PLCH1: variants seen among roughly 807,000 people sequenced by gnomAD.
PLCH1 encodes 1-phosphatidylinositol 4,5-bisphosphate phosphodiesterase eta-1.
In PLCH1, 60 loss-of-function variants were observed where a neutral mutation model predicts 126.7. The observed-to-expected ratio is 0.47, with a 90% CI of 0.38 to 0.59. The LOEUF (loss-of-function observed/expected upper bound fraction) is 0.59. Ranked by LOEUF, PLCH1 falls within the 20% of genes least tolerant of loss-of-function variation. The pLI is 0.00. For synonymous variants in PLCH1, 719 were observed against 734.9 expected (o/e 0.98, Z 0.35); for missense variants, 1,723 against 2,040.0 (o/e 0.84, Z 2.99).
chr3:155,604,660 A>G (rs1204151780), intron 2 of PLCH1, among the ~76,000 whole-genome samples: 1 of 152,136 alleles, frequency 6.6e-6, no homozygotes, highest in Non-Finnish European at 1.5e-5. Context: ...ATGTGTAACA[A>G]TTGTGTCTGT....
At chr3:155,681,277 T>TG (rs751703529) in intron 2 of PLCH1, among the ~76,000 whole-genome samples, 12 of 152,208 alleles carry the variant, frequency 7.9e-5, no homozygotes, top group Non-Finnish European at 8.8e-5. Context: ...ATGGAAAACT[T>TG]GCTTTGAGGC....
chr3:155,491,429 A>T (rs534008620), intron 18 of PLCH1, among the ~76,000 whole-genome samples: 34 of 151,976 alleles, frequency 2.2e-4, no homozygotes, highest in African/African-American at 8.0e-4. Flanking sequence ...CACCTGGCTA[A>T]TTTTGGTAAT....
chr3:155,667,536 T>C (rs998378357), intron 2 of PLCH1, among the ~76,000 whole-genome samples: 16 of 151,990 alleles, frequency 1.1e-4, no homozygotes, highest in Non-Finnish European at 1.9e-4. Context: ...AATAATGGCA[T>C]GAAAAAACAC....
chr3:155,634,432 T>C (rs1738475307), intron 2 of PLCH1, among the ~76,000 whole-genome samples: 1 of 152,176 alleles, frequency 6.6e-6, no homozygotes. Flanking sequence ...CTTCCCATTT[T>C]CCCAGAGGCC....
intron 2 of PLCH1, among the ~76,000 whole-genome samples, chr3:155,669,878 T>C (rs982452771): frequency 6.6e-6 from 1 of 152,212 alleles, no homozygotes; most frequent in Non-Finnish European, 1.5e-5. Flanking sequence ...TCGTTCTCTT[T>C]TGTTGATCAC....
At chr3:155,511,807 T>G (rs1233706911) in intron 12 of PLCH1, among the ~76,000 whole-genome samples, 1 of 151,348 alleles carries the variant, frequency 6.6e-6, no homozygotes, top group South Asian at 2.1e-4. Context: ...GTCTGTTTGT[T>G]TGTCTGTGCC....
chr3:155,465,095 T>G (rs1242887604), intron 21 of PLCH1, among the ~76,000 whole-genome samples: 5 of 131,668 alleles, frequency 3.8e-5, no homozygotes, highest in Admixed American at 8.3e-5. Flanking sequence ...GGTGACAGAG[T>G]GAGACTCTGT....
intron 2 of PLCH1, among the ~76,000 whole-genome samples, chr3:155,681,337 C>T (rs1744517311): frequency 1.3e-5 from 2 of 152,216 alleles, no homozygotes; most frequent in Admixed American, 1.3e-4. Flanking sequence ...CTGTTCCTAG[C>T]ATTGCACATG....
At chr3:155,643,030 C>A (rs1248929255) in intron 2 of PLCH1, among the ~76,000 whole-genome samples, 4 of 152,166 alleles carry the variant, frequency 2.6e-5, no homozygotes, top group Admixed American at 2.0e-4. Flanking sequence ...CTCACTGCAA[C>A]CTCCGCCTCC....
rs149590749 is a variant in PLCH1 at position 155,504,586 on chromosome 3, C to T, written c.1673G>A (p.Arg558Gln). Residue 558 changes from arginine to glutamine, a missense_variant, in exon 13 of 23, where the codon CGA (arginine) becomes CAA (glutamine). Arg to Gln is a conservative substitution (Grantham distance 43). Coordinates refer to ENST00000460012, the MANE Select transcript of PLCH1 (RefSeq NM_014996.4). Reference protein sequence around the residue: ...VKESGKKSHGRSLMTNFGKHK... With the variant: ...VKESGKKSHGQSLMTNFGKHK... ...TTTTCCAAAGTTGGTCATGAGGGAT[C>T]GTCCATGTGATTTCTTTCCACTTTC... The T allele has an allele frequency of 1.4e-4, 227 of 1,607,434 alleles. 1 individual carries two copies. In the Middle Eastern group the frequency reaches 4.2e-3, roughly 29 times the overall value.
chr3:155,496,803 A>G (rs1717103039), intron 15 of PLCH1, among the ~76,000 whole-genome samples: 1 of 152,236 alleles, frequency 6.6e-6, no homozygotes, highest in Non-Finnish European at 1.5e-5. Context: ...ACTGATAGGT[A>G]AAAAACAGTG....
chr3:155,618,988 CT>C (rs1209722377), intron 2 of PLCH1, among the ~76,000 whole-genome samples: 1 of 152,154 alleles, frequency 6.6e-6, no homozygotes, highest in Non-Finnish European at 1.5e-5. Context: ...CCTATTGGCT[CT>C]TTTTGGAGAG....
chr3:155,622,708 G>A (rs1736679709), intron 2 of PLCH1, among the ~76,000 whole-genome samples: 1 of 152,012 alleles, frequency 6.6e-6, no homozygotes, highest in African/African-American at 2.4e-5. Context: ...AACAAGAAGA[G>A]CTATCTATCC....
intron 2 of PLCH1, among the ~76,000 whole-genome samples, chr3:155,655,703 C>T (rs998729548): frequency 7.9e-5 from 12 of 152,192 alleles, no homozygotes; most frequent in Admixed American, 5.9e-4. Context: ...ACCCTAGAAT[C>T]GGACATCACC....
intron 2 of PLCH1, among the ~76,000 whole-genome samples, chr3:155,631,918 T>C (rs895597325): frequency 3.0e-5 from 4 of 134,514 alleles, no homozygotes; most frequent in African/African-American, 5.9e-5. Flanking sequence ...TTTTTTTTTT[T>C]TGTCTTGAAG....
chr3:155,614,855 C>T (rs1735588760), intron 2 of PLCH1, among the ~76,000 whole-genome samples: 1 of 152,056 alleles, frequency 6.6e-6, no homozygotes, highest in African/African-American at 2.4e-5. Flanking sequence ...CAGAAAAACC[C>T]TTCCAGTCAT....
intron 2 of PLCH1, among the ~76,000 whole-genome samples, chr3:155,611,253 G>A (rs566762894): frequency 1.3e-5 from 2 of 152,012 alleles, no homozygotes; most frequent in Non-Finnish European, 1.5e-5. Context: ...GCCAGGCATC[G>A]TGGTGGAGTC....
At chr3:155,471,822 T>A (rs1459936859) in intron 21 of PLCH1, among the ~76,000 whole-genome samples, 1 of 152,140 alleles carries the variant, frequency 6.6e-6, no homozygotes, top group Non-Finnish European at 1.5e-5. Context: ...TGCTCATGAA[T>A]AACTACTGGA....
chr3:155,560,460 A>G (rs1560166787), intron 8 of PLCH1, among the ~76,000 whole-genome samples: 1 of 152,148 alleles, frequency 6.6e-6, no homozygotes, highest in Non-Finnish European at 1.5e-5. Flanking sequence ...GTTAATCACT[A>G]TTGCTGGTAT....
Sources: gnomAD v4.1 joint callset for allele counts (sites outside exome capture counted in the v4.1 genomes callset) on GRCh38, gnomAD v4.1.1 for gene constraint, MANE v1.5 for transcripts, NCBI Gene and HGNC (gene_info 2026-07-23, HGNC 2026-07-21) for gene names.